The following PTPRN2 variants were observed in gnomAD, a reference collection of about 807,000 sequenced individuals.
The protein encoded by PTPRN2 is protein tyrosine phosphatase receptor type N2, also known as receptor-type tyrosine-protein phosphatase N2.
A neutral mutation model predicts 118.8 loss-of-function variants in PTPRN2; 74 were observed. That is an observed-to-expected ratio of 0.62 (90% CI 0.52 to 0.76). The LOEUF (loss-of-function observed/expected upper bound fraction) is 0.76, where lower values mean the gene tolerates loss of function less well. Ranked by LOEUF, PTPRN2 falls within the 30% of genes least tolerant of loss-of-function variation. PTPRN2 has a pLI of 0.00. For missense variants in PTPRN2, 1,481 were observed against 1,394.4 expected (o/e 1.06, Z -0.99); for synonymous variants, 641 against 608.0 (o/e 1.05, Z -0.80).
At chr7:157,856,641 A>T (rs1809732028) in intron 12 of PTPRN2, among the ~76,000 whole-genome samples, 1 of 152,262 alleles carries the variant, frequency 6.6e-6, no homozygotes, top group Non-Finnish European at 1.5e-5. Flanking sequence ...TAAAATGGAT[A>T]AAGTGACAAA....
chr7:157,783,948 C>A (rs28372091), intron 12 of PTPRN2, among the ~76,000 whole-genome samples: 2,614 of 152,204 alleles, frequency 0.017, 78 homozygotes, highest in African/African-American at 0.059. Flanking sequence ...GATATTCCAT[C>A]TCTTACTCTT....
At chr7:158,053,725 G>T (rs186995721) in intron 11 of PTPRN2, among the ~76,000 whole-genome samples, 228 of 149,504 alleles carry the variant, frequency 1.5e-3, no homozygotes, top group African/African-American at 5.5e-3. Flanking sequence ...AGACCCCAGA[G>T]ATGCAGAGAC....
At chr7:158,173,632 A>T (rs1211549992) in intron 5 of PTPRN2, among the ~76,000 whole-genome samples, 1 of 152,166 alleles carries the variant, frequency 6.6e-6, no homozygotes, top group Non-Finnish European at 1.5e-5. Context: ...ACCAGGCTGG[A>T]ATTTCCCAAT....
At chr7:158,317,208 C>G (rs1195279942) in intron 2 of PTPRN2, among the ~76,000 whole-genome samples, 1 of 152,198 alleles carries the variant, frequency 6.6e-6, no homozygotes, top group East Asian at 1.9e-4. Context: ...ACCCCCCGAG[C>G]CCTCCTTTTA....
intron 6 of PTPRN2, among the ~76,000 whole-genome samples, chr7:158,150,787 G>A (rs183251945): frequency 3.8e-4 from 57 of 151,964 alleles, no homozygotes; most frequent in African/African-American, 1.3e-3. Context: ...CCGCGACCCA[G>A]CACTCCTCTC....
chr7:158,171,292 C>CAA (rs1296901676), intron 5 of PTPRN2, among the ~76,000 whole-genome samples: 1 of 74,904 alleles, frequency 1.3e-5, no homozygotes, highest in African/African-American at 6.7e-5. Flanking sequence ...TATATATACA[C>CAA]ACATATATAT....
In PTPRN2 at chr7:158,587,620, G is replaced by A; in HGVS notation, c.50C>T (p.Pro17Leu). The change falls in exon 1 of 23, where the codon CCA becomes CTA. Residue 17 changes from proline (P) to leucine (L), a missense_variant. Physicochemically the swap from Pro to Leu is moderately conservative, Grantham distance 98. This residue lies in a region of PTPRN2 where 1,115 missense variants were observed against 994.2 expected (regional missense o/e 1.12). Coordinates refer to ENST00000389418, the MANE Select transcript of PTPRN2 (RefSeq NM_002847.5). ...CGAAGGGGCGGCAGGCAGGACGCGT[G>A]GCGGCAGCAGCAGCAGTAGCAGCAG... The part of the protein sequence containing the change: ...LLLLLLLLLP[P>L]RVLPAAPSSV... 7.3e-7 allele frequency: 1 copy of A among 1,361,688 alleles called. No individual in the cohort carries two copies. The highest frequency in any genetic ancestry group is 9.4e-7 in the Non-Finnish European group (1 of 1,063,280). 84.4% of individuals were successfully genotyped at this position (1,361,688 alleles called of 1,614,324 possible).
At chr7:157,767,376 G>A (rs1052952087) in intron 12 of PTPRN2, among the ~76,000 whole-genome samples, 5 of 152,336 alleles carry the variant, frequency 3.3e-5, no homozygotes, top group African/African-American at 9.6e-5. Flanking sequence ...TGACTGCCAT[G>A]TTATCTGTGT....
rs1295101767 is a variant in PTPRN2 at position 158,337,323 on chromosome 7, C to T, written c.164-20391G>A. ...TGTCACGCACAGACATCATTCACAC[C>T]CACACTGTCACCCTAAGAGGTGACA... On this transcript the variant is annotated intron_variant, in intron 2 of 22. Transcript: ENST00000389418. Among the ~76,000 whole-genome samples the T allele has an allele frequency of 5.4e-4, 80 of 149,226 alleles. 1 individual carries two copies. Among genetic ancestry groups the T allele is most frequent in the African/African-American group, 1.9e-3 (76 of 39,698 alleles).
Position 157,759,649 on chromosome 7 carries a change from G to A in PTPRN2, c.1789-76712C>T, listed in dbSNP as rs1012892517. On this transcript the variant is annotated intron_variant, in intron 12 of 22. Coordinates refer to ENST00000389418, the MANE Select transcript of PTPRN2 (RefSeq NM_002847.5). ...GGCGGCCTGGCTTTTTATCTTCAGC[G>A]GTTGCTGTTATTGGTCAATGATGTT... Among the ~76,000 whole-genome samples the A allele has an allele frequency of 5.3e-5, 8 of 152,342 alleles. No individual in the cohort carries two copies. In the South Asian group the frequency reaches 1.0e-3, roughly 20 times the overall value.
At chr7:157,635,225 G>C (rs1804239013) in intron 14 of PTPRN2, among the ~76,000 whole-genome samples, 1 of 152,216 alleles carries the variant, frequency 6.6e-6, no homozygotes, top group Non-Finnish European at 1.5e-5. Flanking sequence ...GTCTGACATA[G>C]CCTGGTACAC....
intron 12 of PTPRN2, among the ~76,000 whole-genome samples, chr7:157,737,751 C>T (rs901032416): frequency 3.9e-5 from 6 of 152,244 alleles, no homozygotes; most frequent in Non-Finnish European, 7.3e-5. Context: ...TCGTGGGTGC[C>T]GGCTGGGGCG....
At chr7:158,073,226 G>T (rs1812078024) in intron 11 of PTPRN2, among the ~76,000 whole-genome samples, 2 of 152,242 alleles carry the variant, frequency 1.3e-5, no homozygotes, top group African/African-American at 4.8e-5. Flanking sequence ...CATGGGAACT[G>T]ATATTGGTAG....
chr7:157,996,398 G>A (rs551845288), intron 11 of PTPRN2, among the ~76,000 whole-genome samples: 1 of 152,344 alleles, frequency 6.6e-6, no homozygotes, highest in African/African-American at 2.4e-5. Flanking sequence ...TAGTAAGACC[G>A]CACTTGGACC....
rs575157369 is a variant in PTPRN2, at chr7:157,801,266, C to T, written c.1788+97407G>A. Among the ~76,000 whole-genome samples, 5 of 152,274 alleles carry T rather than the reference C, an allele frequency of 3.3e-5. No homozygotes were observed. The highest frequency in any genetic ancestry group is 4.1e-4 in the South Asian group (2 of 4,826). ...TGAAAGTATCAGGCCTTCCGCTTAG[C>T]GCTGCCTTCGAGATCAGTCTCTCGA... On this transcript the variant is annotated intron_variant, in intron 12 of 22. Coordinates refer to ENST00000389418, the MANE Select transcript of PTPRN2 (RefSeq NM_002847.5). The surrounding 1 kb of genome is among the most constrained non-coding windows in gnomAD (Gnocchi z 4.2).
At chr7:158,128,081 A>G (rs1585531089) in intron 9 of PTPRN2, among the ~76,000 whole-genome samples, 1 of 152,152 alleles carries the variant, frequency 6.6e-6, no homozygotes, top group African/African-American at 2.4e-5. Context: ...TCTAAACCAC[A>G]TTCCTCTCCT....
chr7:157,744,326 A>C (rs564354645), intron 12 of PTPRN2, among the ~76,000 whole-genome samples: 1 of 152,104 alleles, frequency 6.6e-6, no homozygotes, highest in Non-Finnish European at 1.5e-5. Flanking sequence ...CCTGAAACTC[A>C]AACAAGTGGA....
At chr7:157,702,289 G>A (rs897272481) in intron 12 of PTPRN2, among the ~76,000 whole-genome samples, 1 of 151,896 alleles carries the variant, frequency 6.6e-6, no homozygotes, top group African/African-American at 2.4e-5. Flanking sequence ...AGAAAGCCTG[G>A]TCGGTCCTGG....
At chr7:157,545,532 G>A (rs1384721814) in intron 22 of PTPRN2, among the ~76,000 whole-genome samples, 2 of 152,072 alleles carry the variant, frequency 1.3e-5, no homozygotes, top group African/African-American at 2.4e-5. Flanking sequence ...GTGGCTGAGT[G>A]TGCCGCCTCT....
Sources: allele counts gnomAD v4.1 joint callset (sites outside exome capture counted in the v4.1 genomes callset), GRCh38; gene constraint gnomAD v4.1.1; regional missense constraint gnomAD v4.1.1; non-coding constraint Gnocchi (gnomAD v3.1); transcripts MANE v1.5; gene names NCBI Gene and HGNC (gene_info 2026-07-23, HGNC 2026-07-21).